METTL6: variants seen among roughly 807,000 people sequenced by gnomAD.
METTL6 encodes tRNA N(3)-cytidine methyltransferase METTL6.
In METTL6, 22 loss-of-function variants were observed where a neutral mutation model predicts 26.4. The ratio of observed to expected loss-of-function variants is 0.83; its 90% CI spans 0.59 to 1.19. The LOEUF is 1.19. METTL6 is among the 50% of genes most tolerant of loss of function. METTL6 has a pLI of 0.00. For missense variants in METTL6, 304 were observed against 324.8 expected, an observed-to-expected ratio of 0.94 and a Z score of 0.49; for synonymous variants, 109 against 116.2, an observed-to-expected ratio of 0.94 and a Z score of 0.40.
chr3:15,402,742 A>G (rs1407818974), intron 6 of METTL6, among the ~76,000 whole-genome samples: 3 of 150,860 alleles, frequency 2.0e-5, no homozygotes, highest in African/African-American at 7.4e-5. Flanking sequence ...TCTCAAAAAA[A>G]AAAAAAAGAA....
In METTL6 at chr3:15,399,095, G is replaced by A. The variant is rs111368500; in HGVS notation, c.*11+12150C>T. 5.6e-3 allele frequency among the ~76,000 whole-genome samples: 846 copies of A among 152,234 alleles called. 7 individuals are homozygous for A. The highest frequency in any genetic ancestry group is 0.018 in the African/African-American group (761 of 41,558). On this transcript the variant is annotated intron_variant, in intron 6 of 6. Transcript: ENST00000443029. ...CATGCAAAAAGACATGCCCACCAGT[G>A]CCATGACAGTTTACAAATGCCATGG... is the stretch of plus-strand genomic sequence containing the variant.
rs1346610658 is a variant in METTL6, at chr3:15,415,751, T to C, written c.531+21A>G. The stretch of plus-strand genomic sequence containing the variant: ...GAATCCAGACTGTCCAACCCTCAAG[T>C]GCAGGCCCCAAATCACTAACCTTGT... On this transcript the variant is annotated intron_variant, in intron 4 of 5. Transcript: ENST00000383790. The C allele has an allele frequency of 1.1e-5, 18 of 1,610,672 alleles. No individual in the cohort carries two copies. The Admixed American group carries it at 3.0e-4, about 27-fold the overall frequency.
chr3:15,406,615 TATATATATATATATAGAGAGAGAGAGAG>T (rs1699800875), downstream of METTL6, among the ~76,000 whole-genome samples: 3 of 54,700 alleles, frequency 5.5e-5, no homozygotes, highest in Non-Finnish European at 1.0e-4. Context: ...TATATATATA[TATATATATATATATAGAGAGAGAGAGAG>T]AGAGAGAGAG....
chr3:15,426,561 AAAT>A lies in METTL6; in HGVS notation c.-53_-51del, dbSNP rs1459483625. 13 of 1,529,002 alleles carry A rather than the reference AAAT, an allele frequency of 8.5e-6. No homozygotes were observed. The highest frequency in any genetic ancestry group is 1.2e-5 in the Non-Finnish European group (13 of 1,113,806). The allele number at this position is 1,529,002 out of a possible 1,614,324, so 94.7% of individuals were successfully genotyped here. ...ACACAGCTGAAGATTCTCCATCACC[AAAT>A]AATATGAATCCACGCTAATGGATCA... On this transcript the variant is annotated 5_prime_UTR_variant, in exon 2 of 6. Coordinates refer to ENST00000383790, the MANE Select transcript of METTL6 (RefSeq NM_152396.4).
chr3:15,405,096 A>G (rs756860291), downstream of METTL6, among the ~76,000 whole-genome samples: 41 of 152,240 alleles, frequency 2.7e-4, no homozygotes, highest in Non-Finnish European at 1.6e-4. Context: ...CCTTAATTCC[A>G]AACAACAGTA....
intron 6 of METTL6, among the ~76,000 whole-genome samples, chr3:15,398,264 G>C (rs931144058): frequency 6.6e-6 from 1 of 152,022 alleles, no homozygotes; most frequent in East Asian, 1.9e-4. Flanking sequence ...AGTGATCTTG[G>C]CTCACTGCAA....
intron 6 of METTL6, among the ~76,000 whole-genome samples, chr3:15,402,617 C>T (rs1411489014): frequency 2.6e-5 from 4 of 151,618 alleles, no homozygotes; most frequent in Non-Finnish European, 4.4e-5. Flanking sequence ...ACCTGTAATC[C>T]CAGCTACTTG....
In METTL6 at chr3:15,416,383, T is replaced by C. The variant is rs951979224; in HGVS notation, c.361-441A>G. On this transcript the variant is annotated intron_variant, in intron 3 of 5. Coordinates refer to ENST00000383790, the MANE Select transcript of METTL6 (RefSeq NM_152396.4). ...CTCCCACTTCAGCCTCCTAAGTAGC[T>C]GGAACTACAGGTGTGCACCACTGCA... Among the ~76,000 whole-genome samples, 9 of 152,210 alleles carry C rather than the reference T, an allele frequency of 5.9e-5. No homozygotes were observed. The East Asian group carries it at 1.5e-3, about 26-fold the overall frequency.
intron 6 of METTL6, among the ~76,000 whole-genome samples, chr3:15,388,507 C>T (rs935890413): frequency 6.6e-6 from 1 of 152,114 alleles, no homozygotes; most frequent in Non-Finnish European, 1.5e-5. Flanking sequence ...TCATAAGAAG[C>T]TGAAGCTGTC....
intron 6 of METTL6, among the ~76,000 whole-genome samples, chr3:15,388,011 C>A (rs1399344438): frequency 6.6e-6 from 1 of 152,098 alleles, no homozygotes; most frequent in Non-Finnish European, 1.5e-5. Flanking sequence ...AAGAGTAATT[C>A]ACACAGACCA....
downstream of METTL6, among the ~76,000 whole-genome samples, chr3:15,405,936 C>T (rs1266238710): frequency 1.3e-5 from 2 of 151,984 alleles, no homozygotes; most frequent in African/African-American, 4.8e-5. Flanking sequence ...TGCACTTGAA[C>T]CCATTTATTC....
rs773421688 is a variant in METTL6 at position 15,414,180 on chromosome 3, G to A, written c.532-18C>T. On this transcript the variant is annotated intron_variant, in intron 4 of 5. Coordinates refer to ENST00000383790, the MANE Select transcript of METTL6 (RefSeq NM_152396.4). The stretch of plus-strand genomic sequence containing the variant: ...TTTAATACCTATGAAACAAAAGCAG[G>A]CTGAACATGACTTTGGAGAACCCTG... 4 of 1,597,408 alleles carry A rather than the reference G, an allele frequency of 2.5e-6. No homozygotes were observed. The highest frequency in any genetic ancestry group is 3.4e-6 in the Non-Finnish European group (4 of 1,174,548).
intron 5 of METTL6, among the ~76,000 whole-genome samples, chr3:15,412,329 A>ACT (rs1700002551): frequency 6.6e-6 from 1 of 152,254 alleles, no homozygotes; most frequent in Non-Finnish European, 1.5e-5. Context: ...CAGCAAAAAT[A>ACT]AAGACTCGTA....
rs184053612 is a variant in METTL6 at position 15,411,158 on chromosome 3, G to A, written c.*98C>T. 3 of 1,357,686 alleles carry A rather than the reference G, an allele frequency of 2.2e-6. No homozygotes were observed. The highest frequency in any genetic ancestry group is 3.0e-6 in the Non-Finnish European group (3 of 998,666). 84.1% of individuals were successfully genotyped at this position (1,357,686 alleles called of 1,614,324 possible). A position where few individuals can be genotyped will look rare whatever the true frequency, so the allele number is the denominator to read the frequency against. Reference sequence around the variant, plus strand: ...GATCCCCCAACCTCGGCCTCCCGAAGTGCTGGGATTACAGGCATGAGCCAC... The same window carrying A: ...GATCCCCCAACCTCGGCCTCCCGAAATGCTGGGATTACAGGCATGAGCCAC... On this transcript the variant is annotated 3_prime_UTR_variant, in exon 6 of 6. Coordinates refer to ENST00000383790, the MANE Select transcript of METTL6 (RefSeq NM_152396.4).
At chr3:15,416,745 A>G (rs892328896) in intron 3 of METTL6, among the ~76,000 whole-genome samples, 3 of 152,224 alleles carry the variant, frequency 2.0e-5, no homozygotes, top group African/African-American at 7.2e-5. Context: ...TTTGGTTGGT[A>G]GGCTTCAACA....
chr3:15,424,847 G>A, intron 3 of METTL6, 108 bp downstream of exon 3: 4 of 1,426,128 alleles, frequency 2.8e-6, no homozygotes, highest in Non-Finnish European at 3.9e-6. Context: ...GACTATAGCT[G>A]GTTAGCTCCA....
intron 3 of METTL6, among the ~76,000 whole-genome samples, chr3:15,417,938 CTT>C (rs1418052051): frequency 1.3e-5 from 2 of 152,156 alleles, no homozygotes; most frequent in African/African-American, 4.8e-5. Flanking sequence ...CAGATAGACT[CTT>C]TGGGAAACGG....
At chr3:15,420,769 A>G (rs752971844) in intron 3 of METTL6, among the ~76,000 whole-genome samples, 1 of 152,236 alleles carries the variant, frequency 6.6e-6, no homozygotes, top group Non-Finnish European at 1.5e-5. Context: ...TTTGTGTTCA[A>G]ATTCATAGGA....
intron 3 of METTL6, among the ~76,000 whole-genome samples, chr3:15,421,105 T>A (rs1044603365): frequency 3.9e-5 from 6 of 152,168 alleles, no homozygotes; most frequent in African/African-American, 1.4e-4. Flanking sequence ...TTAGTCAGAA[T>A]CTCCATATCT....
Sources: gnomAD v4.1 joint callset for allele counts (sites outside exome capture counted in the v4.1 genomes callset) on GRCh38, gnomAD v4.1.1 for gene constraint, MANE v1.5 for transcripts, NCBI Gene and HGNC (gene_info 2026-07-23, HGNC 2026-07-21) for gene names.